Variants in MYO6 observed in about 807,000 individuals in gnomAD.
The protein encoded by MYO6 is myosin VI.
In MYO6, 74 loss-of-function variants were observed where a neutral mutation model predicts 178.7. That is an observed-to-expected ratio of 0.41 (90% confidence interval 0.34 to 0.50). MYO6 has a LOEUF of 0.50. Among genes scored for constraint, MYO6 ranks in the 20% least tolerant of loss-of-function variants. MYO6 has a pLI of 0.09. For synonymous variants in MYO6, 477 were observed against 504.6 expected (o/e 0.95, Z 0.73); for missense variants, 1,330 against 1,547.4 (o/e 0.86, Z 2.36).
At chr6:75,836,874 C>T (rs892761532) in intron 7 of MYO6, among the ~76,000 whole-genome samples, 7 of 152,132 alleles carry the variant, frequency 4.6e-5, no homozygotes, top group Middle Eastern at 3.2e-3. Flanking sequence ...TGAGCCACCG[C>T]GCCCAGCTGG....
intron 30 of MYO6, among the ~76,000 whole-genome samples, chr6:75,905,300 G>A (rs534214137): frequency 6.6e-6 from 1 of 152,354 alleles, no homozygotes; most frequent in South Asian, 2.1e-4. Flanking sequence ...CCTGGGCAAT[G>A]GCGGGCGCCC....
intron 25 of MYO6, among the ~76,000 whole-genome samples, chr6:75,889,152 AG>A (rs780693402): frequency 1.3e-5 from 2 of 152,170 alleles, no homozygotes; most frequent in Non-Finnish European, 2.9e-5. Context: ...GGAGGTAGAA[AG>A]GAAAAAAAAG....
At chr6:75,914,790 T>A in intron 34 of MYO6, 23 bp from the exon 35 acceptor site, 1 of 1,610,982 alleles carries the variant, frequency 6.2e-7, no homozygotes, top group Non-Finnish European at 8.5e-7. Context: ...AGATGGTAAT[T>A]TTCTGATATC....
intron 1 of MYO6, among the ~76,000 whole-genome samples, chr6:75,776,672 G>GTGTGTGTGTGTGTGTGTGTA (rs1213651072): frequency 6.6e-6 from 1 of 151,732 alleles, no homozygotes; most frequent in African/African-American, 2.4e-5. Context: ...GTGTGTGTGT[G>GTGTGTGTGTGTGTGTGTGTA]TGTGTGTGTG....
At chr6:75,843,721 T>C (rs972224825) in intron 9 of MYO6, among the ~76,000 whole-genome samples, 8 of 151,750 alleles carry the variant, frequency 5.3e-5, no homozygotes, top group African/African-American at 1.2e-4. Flanking sequence ...TTGTCCCTGC[T>C]CCCTTCTCTT....
rs1240013017 is a variant in MYO6 at position 75,840,684 on chromosome 6, T to C, written c.651+2T>C. The C allele has an allele frequency of 1.3e-6, 2 of 1,590,632 alleles. No homozygotes were observed. Among genetic ancestry groups the C allele is most frequent in the African/African-American group, 1.3e-5 (1 of 74,432 alleles). On this transcript the variant is annotated splice_donor_variant, in intron 8 of 34. Transcript: ENST00000369977. LOFTEE classifies it high-confidence loss of function. ...GTAGAAATACATTTTAATGAAAAGGTAAGTGAGAGTAAGCTTTGGAATGAT... is the reference window on the plus strand; with the variant it reads ...GTAGAAATACATTTTAATGAAAAGGCAAGTGAGAGTAAGCTTTGGAATGAT...
chr6:75,830,356 G>A lies in MYO6; in HGVS notation c.262-60G>A, dbSNP rs1772954203. 2.7e-5 allele frequency: 40 copies of A among 1,506,382 alleles called. No homozygotes were observed. In the South Asian group the frequency reaches 4.5e-4, roughly 17 times the overall value. 93.3% of individuals were successfully genotyped at this position (1,506,382 alleles called of 1,614,324 possible). A position where few individuals can be genotyped will look rare whatever the true frequency, so the allele number is the denominator to read the frequency against. The stretch of plus-strand genomic sequence containing the variant: ...GTATTTTATTTTTTCTATGAGCTTT[G>A]TTTATCTTTAAATGAAAATAGTAAT... On this transcript the variant is annotated intron_variant, in intron 4 of 34. Transcript: ENST00000369977.
chr6:75,796,426 A>G, intron 1 of MYO6, among the ~76,000 whole-genome samples: 1 of 151,846 alleles, frequency 6.6e-6, no homozygotes, highest in East Asian at 1.9e-4. Context: ...TTTTTTTTTG[A>G]AAATTATAAT....
At chr6:75,879,983 C>T (rs1777887150) in intron 21 of MYO6, 33 bp downstream of exon 21, 2 of 1,613,610 alleles carry the variant, frequency 1.2e-6, no homozygotes, top group African/African-American at 2.7e-5. Flanking sequence ...AATTTCTTAG[C>T]TATGAACTTG....
At chr6:75,824,066 G>A (rs1156486733) in intron 3 of MYO6, among the ~76,000 whole-genome samples, 6 of 152,136 alleles carry the variant, frequency 3.9e-5, no homozygotes, top group African/African-American at 7.2e-5. Flanking sequence ...ACAAATTTTT[G>A]TGCTGTTAAA....
chr6:75,878,484 A>T (rs1293140801), intron 20 of MYO6, among the ~76,000 whole-genome samples: 3 of 152,204 alleles, frequency 2.0e-5, no homozygotes. Context: ...CTAAGAATGC[A>T]TCTGTGTGTT....
intron 7 of MYO6, 96 bp from the exon 8 acceptor site, chr6:75,840,489 T>C: frequency 1.2e-6 from 1 of 860,104 alleles, no homozygotes; most frequent in Non-Finnish European, 2.0e-6. Flanking sequence ...AACATTTTTT[T>C]CTAGACATAT....
chr6:75,778,744 TC>T (rs1407647005), intron 1 of MYO6, among the ~76,000 whole-genome samples: 1 of 151,900 alleles, frequency 6.6e-6, no homozygotes, highest in African/African-American at 2.4e-5. Flanking sequence ...TTCTTTTTTT[TC>T]TTTTTTTAAA....
intron 24 of MYO6, 114 bp downstream of exon 24, chr6:75,886,208 T>G (rs1778421184): frequency 1.5e-6 from 1 of 679,940 alleles, no homozygotes; most frequent in South Asian, 1.7e-5. Flanking sequence ...TCATGTTCTT[T>G]GTAAAATGAT....
chr6:75,758,622 A>G (rs1341815574), intron 1 of MYO6, among the ~76,000 whole-genome samples: 9 of 151,650 alleles, frequency 5.9e-5, no homozygotes, highest in African/African-American at 1.9e-4. Context: ...CACCACGCCC[A>G]GCTAATTTTT....
At chr6:75,835,768 C>T in intron 6 of MYO6, 133 bp from the exon 7 acceptor site, 1 of 667,198 alleles carries the variant, frequency 1.5e-6, no homozygotes, top group East Asian at 2.7e-5. Context: ...AAAGCTATGA[C>T]AGAATAGTTG....
At chr6:75,883,641 G>A (rs538930417) in intron 23 of MYO6, among the ~76,000 whole-genome samples, 4 of 151,404 alleles carry the variant, frequency 2.6e-5, no homozygotes, top group African/African-American at 9.7e-5. Flanking sequence ...GTGTGGTTTG[G>A]CCAGGTCATA....
Position 75,892,602 on chromosome 6 carries a change from C to T in MYO6, c.3019C>T (p.Arg1007Cys), listed in dbSNP as rs143152727. ...SQQQAVLEQE[R>C]RDRELALRIA... Reference sequence around the variant, plus strand: ...ACAGCAAGCAGTTCTGGAGCAGGAGCGCAGGGACCGGGAGCTGGCCCTGAG... The same window carrying T: ...ACAGCAAGCAGTTCTGGAGCAGGAGTGCAGGGACCGGGAGCTGGCCCTGAG... Residue 1007 changes from arginine to cysteine, a missense_variant, in exon 28 of 35, where the codon CGC becomes TGC. Around this residue, in one of 3 missense-constraint regions of MYO6, gnomAD observed 601 missense variants for 626.1 expected, o/e 0.96. Coordinates refer to ENST00000369977, the MANE Select transcript of MYO6 (RefSeq NM_004999.4). 28 of 1,613,540 alleles carry T rather than the reference C, an allele frequency of 1.7e-5. No individual in the cohort carries two copies. Among genetic ancestry groups the T allele is most frequent in the Middle Eastern group, 3.6e-4 (2 of 5,582 alleles).
intron 1 of MYO6, among the ~76,000 whole-genome samples, chr6:75,784,776 C>CAG (rs1437239768): frequency 1.8e-5 from 1 of 54,406 alleles, no homozygotes; most frequent in East Asian, 5.0e-4. Flanking sequence ...GACTCCGTCT[C>CAG]AAAAAAAAAA....
Sources: allele counts gnomAD v4.1 joint callset (sites outside exome capture counted in the v4.1 genomes callset), GRCh38; gene constraint gnomAD v4.1.1; regional missense constraint gnomAD v4.1.1; transcripts MANE v1.5; gene names NCBI Gene and HGNC (gene_info 2026-07-23, HGNC 2026-07-21).